The following NOP14 variants were observed in gnomAD, a reference collection of about 807,000 sequenced individuals.
The protein encoded by NOP14 is NOP14 nucleolar protein.
A neutral mutation model predicts 101.6 loss-of-function variants in NOP14; 57 were observed. The observed-to-expected ratio is 0.56, with a 90% CI of 0.45 to 0.70. The LOEUF (loss-of-function observed/expected upper bound fraction) is 0.70. Among genes scored for constraint, NOP14 ranks in the 30% least tolerant of loss-of-function variants. The pLI, the probability that NOP14 is intolerant of heterozygous loss-of-function variation, is 0.00. For synonymous variants in NOP14, 428 were observed against 424.0 expected (o/e 1.01, Z -0.12); for missense variants, 1,134 against 1,075.5 (o/e 1.05, Z -0.76).
chr4:2,956,695 A>T lies in NOP14; in HGVS notation c.447T>A (p.Asp149Glu). 6.2e-7 allele frequency: 1 copy of T among 1,613,126 alleles called. No homozygotes were observed. The highest frequency in any genetic ancestry group is 8.5e-7 in the Non-Finnish European group (1 of 1,179,744). The change falls in exon 3 of 18, where the codon GAT (aspartate) becomes GAA (glutamate). Residue 149 changes from aspartate to glutamate, a missense_variant. Asp to Glu is a conservative substitution (Grantham distance 45, BLOSUM62 2). Coordinates refer to ENST00000416614, the MANE Select transcript of NOP14 (RefSeq NM_001291978.2). ...CAGACAACGTTCCTCGATCCTCAGC[A>T]TCGCTGTCACTGTCCACAATGTCAT... ...KHNDIVDSDSDAEDRGTLSAE... is the reference protein window; with the variant it reads ...KHNDIVDSDSEAEDRGTLSAE...
At chr4:2,958,532 A>G (rs748206216) in intron 1 of NOP14, among the ~76,000 whole-genome samples, 57 of 152,356 alleles carry the variant, frequency 3.7e-4, no homozygotes, top group Non-Finnish European at 6.9e-4. Flanking sequence ...GCATCAAGGC[A>G]AAATCTTGAT....
Position 2,954,479 on chromosome 4 carries a change from G to T in NOP14, c.557C>A (p.Pro186Gln), listed in dbSNP as rs768103787. 1 of 1,614,030 alleles carries T rather than the reference G, an allele frequency of 6.2e-7. No individual in the cohort carries two copies. The highest frequency in any genetic ancestry group is 8.5e-7 in the Non-Finnish European group (1 of 1,180,018). The change falls in exon 4 of 18, where the codon CCG becomes CAG. Residue 186 changes from proline (P) to glutamine (Q), a missense_variant. Pro to Gln is a moderately conservative substitution (Grantham distance 76, BLOSUM62 -1). Coordinates refer to ENST00000416614, the MANE Select transcript of NOP14 (RefSeq NM_001291978.2). ...TTCAATCAGCTCTTTCCGGGACTTCGGTTTCTCCCGCTCCTCGCCTTCCTG... is the reference window on the plus strand; with the variant it reads ...TTCAATCAGCTCTTTCCGGGACTTCTGTTTCTCCCGCTCCTCGCCTTCCTG... ...TQQEGEEREK[P>Q]KSRKELIEEL...
At chr4:2,958,804 G>A (rs1715514351) in intron 1 of NOP14, among the ~76,000 whole-genome samples, 1 of 152,152 alleles carries the variant, frequency 6.6e-6, no homozygotes, top group Non-Finnish European at 1.5e-5. Context: ...TCCAGACATA[G>A]GTCACTTCCC....
chr4:2,963,404 A>AC lies in NOP14; in HGVS notation c.-86dup, dbSNP rs2109328400. 7.4e-7 allele frequency: 1 copy of AC among 1,356,788 alleles called. No individual in the cohort carries two copies. Among genetic ancestry groups the AC allele is most frequent in the African/African-American group, 1.5e-5 (1 of 64,536 alleles). The allele number at this position is 1,356,788 out of a possible 1,614,324, so 84.0% of individuals were successfully genotyped here. The stretch of plus-strand genomic sequence containing the variant: ...CCTAAGACACGTGCCGGGCCGCGGA[A>AC]CCGCTTCCTCGTCTCGCGAGAACAG... On this transcript the variant is annotated 5_prime_UTR_variant, in exon 1 of 18. Transcript: ENST00000416614.
chr4:2,946,381 A>G, intron 11 of NOP14, 31 bp downstream of exon 11: 1 of 1,611,822 alleles, frequency 6.2e-7, no homozygotes, highest in Non-Finnish European at 8.5e-7. Flanking sequence ...CTTCTGTGGC[A>G]GGGGCAGTGC....
At chr4:2,958,109 C>T (rs753327005) in intron 1 of NOP14, among the ~76,000 whole-genome samples, 5 of 152,072 alleles carry the variant, frequency 3.3e-5, no homozygotes, top group Non-Finnish European at 5.9e-5. Flanking sequence ...AGACTCCTTC[C>T]GTCATGGAGG....
chr4:2,948,493 T>C, intron 8 of NOP14, 85 bp from the exon 9 acceptor site: 1 of 1,122,152 alleles, frequency 8.9e-7, no homozygotes, highest in Non-Finnish European at 1.2e-6. Flanking sequence ...CTCGCTCTGT[T>C]GCCCAGGCTG....
rs764586163 is a variant in NOP14, at chr4:2,945,188, G to C, written c.1677C>G (p.Ser559=). Residue 559 remains serine (S), a synonymous_variant, in exon 12 of 18, where the codon TCC becomes TCG. Transcript: ENST00000416614. ...GGGTCACCACTGGGTGCCAGAAGTC[G>C]GAAGTTGGAAATAGCAGCCCAGTGA... The part of the protein sequence containing the change: ...LKITGLLFPT[S]DFWHPVVTPA... 5.0e-6 allele frequency: 8 copies of C among 1,588,108 alleles called. No homozygotes were observed. Among genetic ancestry groups the C allele is most frequent in the Non-Finnish European group, 6.9e-6 (8 of 1,166,836 alleles).
Position 2,942,454 on chromosome 4 carries a change from A to C in NOP14, c.1892-103T>G, listed in dbSNP as rs957410516. ...TGGAAGTTCACCCTCTAACAGACGC[A>C]CACCGATTTTTATGTTTCTGGGTTG... On this transcript the variant is annotated intron_variant, in intron 13 of 17. Transcript: ENST00000416614. 1.3e-5 allele frequency: 15 copies of C among 1,184,484 alleles called. No homozygotes were observed. The African/African-American group carries it at 2.1e-4, about 17-fold the overall frequency. The allele number at this position is 1,184,484 out of a possible 1,614,324, so 73.4% of individuals were successfully genotyped here.
At chr4:2,944,270 A>T (rs773251880) in intron 12 of NOP14, 44 bp from the exon 13 acceptor site, 2 of 1,586,162 alleles carry the variant, frequency 1.3e-6, no homozygotes, top group Non-Finnish European at 1.7e-6. Context: ...GGACGATGTC[A>T]TGCCATGCTA....
At chr4:2,943,606 G>A (rs1714388984) in intron 13 of NOP14, among the ~76,000 whole-genome samples, 1 of 152,240 alleles carries the variant, frequency 6.6e-6, no homozygotes, top group Non-Finnish European at 1.5e-5. Flanking sequence ...AGCGTTAAGA[G>A]AAGCGACACA....
At chr4:2,950,873 A>T in intron 7 of NOP14, 1 of 405,654 alleles carries the variant, frequency 2.5e-6, no homozygotes, top group Non-Finnish European at 4.4e-6. Context: ...TGTTCCTTTG[A>T]GACAGAGAGA....
chr4:2,939,574 C>G lies in NOP14; in HGVS notation c.2271G>C (p.Lys757Asn), dbSNP rs1463169926. The change falls in exon 16 of 18, where the codon AAG becomes AAC. Residue 757 changes from lysine to asparagine, a missense_variant. By Grantham distance (94) the Lys-to-Asn change is moderately conservative (BLOSUM62 0). Transcript: ENST00000416614. ...KQLCRPLTCE[K>N]SKPVPLKLFT... ...AAAGCTTCAGTGGGACAGGCTTGCT[C>G]TTCTCACAGGTCAGCGGCCGGCAGA... 6.2e-7 allele frequency: 1 copy of G among 1,614,026 alleles called. No homozygotes were observed. Among genetic ancestry groups the G allele is most frequent in the Non-Finnish European group, 8.5e-7 (1 of 1,180,030 alleles).
At chr4:2,945,283 T>C (rs1446986045) in intron 11 of NOP14, 54 bp from the exon 12 acceptor site, 1 of 1,326,000 alleles carries the variant, frequency 7.5e-7, no homozygotes, top group Admixed American at 2.0e-5. Context: ...TCCATCCATA[T>C]GCCCTCCCCG....
intron 6 of NOP14, 152 bp from the exon 7 acceptor site, chr4:2,951,397 A>T (rs777740048): frequency 3.7e-4 from 232 of 629,338 alleles, no homozygotes; most frequent in Non-Finnish European, 6.1e-4. Context: ...GCAGTTTTCA[A>T]TCAGGCATGC....
At chr4:2,954,397 G>A (rs760107684) in intron 4 of NOP14, 27 bp downstream of exon 4, 9 of 1,610,114 alleles carry the variant, frequency 5.6e-6, no homozygotes, top group Non-Finnish European at 6.8e-6. Context: ...CCGTGGAGAA[G>A]ATGATCAAGA....
In NOP14 at chr4:2,942,283, C is replaced by T. The variant is rs1476631795; in HGVS notation, c.1960G>A (p.Glu654Lys). Residue 654 changes from glutamate (E) to lysine (K), a missense_variant, in exon 14 of 18, where the codon GAG becomes AAG. By Grantham distance (56) the Glu-to-Lys change is moderately conservative (BLOSUM62 1). Coordinates refer to ENST00000416614, the MANE Select transcript of NOP14 (RefSeq NM_001291978.2). ...NSELLVVSAR[E>K]DVATWQQSSL... Reference sequence around the variant, plus strand: ...CTCTGCTGCCACGTGGCCACATCCTCTCTAGCAGACACCACGAGCAGTTCC... The same window carrying T: ...CTCTGCTGCCACGTGGCCACATCCTTTCTAGCAGACACCACGAGCAGTTCC... 1.2e-6 allele frequency: 2 copies of T among 1,614,188 alleles called. No homozygotes were observed.
intron 17 of NOP14, 83 bp from the exon 18 acceptor site, chr4:2,939,013 C>T (rs1427306852): frequency 1.1e-5 from 17 of 1,482,224 alleles, no homozygotes; most frequent in Non-Finnish European, 1.6e-5. Flanking sequence ...ATCAGAACCA[C>T]ATTAGCCACC....
rs537534652 is a variant in NOP14 at position 2,938,843 on chromosome 4, C to G, written c.2562G>C (p.Lys854Asn). ...TATAAAATGTAATTTATTTTTTGAA[C>G]TTTTTCCTCTTCAGAGCCTTCCATT... Reference protein sequence around the residue: ...EGEWKALKRKKFKK With the variant: ...EGEWKALKRKNFKK The change falls in exon 18 of 18, where the codon AAG becomes AAC. Residue 854 changes from lysine (K) to asparagine (N), a missense_variant. Physicochemically the swap from Lys to Asn is moderately conservative, Grantham distance 94. Coordinates refer to ENST00000416614, the MANE Select transcript of NOP14 (RefSeq NM_001291978.2). 1.2e-6 allele frequency: 2 copies of G among 1,612,848 alleles called. No individual in the cohort carries two copies. The highest frequency in any genetic ancestry group is 1.7e-6 in the Non-Finnish European group (2 of 1,179,320).
Sources: allele counts gnomAD v4.1 joint callset (sites outside exome capture counted in the v4.1 genomes callset), GRCh38; gene constraint gnomAD v4.1.1; transcripts MANE v1.5; gene names NCBI Gene and HGNC (gene_info 2026-07-23, HGNC 2026-07-21).